The following DMD variants were observed in gnomAD, a reference collection of about 807,000 sequenced individuals.
DMD encodes the protein dystrophin, also known as mutant dystrophin.
A neutral mutation model predicts 330.1 loss-of-function variants in DMD; 63 were observed. The ratio of observed to expected loss-of-function variants is 0.19; its 90% confidence interval spans 0.16 to 0.24. The LOEUF is 0.24. DMD is among the 10% of genes least tolerant of loss of function. The probability of loss-of-function intolerance (pLI) is 1.00; values close to 1 mark genes in which losing one functional copy is unlikely to be tolerated. For synonymous variants in DMD, 1,223 were observed against 959.8 expected, an observed-to-expected ratio of 1.27 and a Z score of -5.07; for missense variants, 3,344 against 2,684.1, an observed-to-expected ratio of 1.25 and a Z score of -5.43.
intron 1 of DMD, among the ~76,000 whole-genome samples, chrX:33,238,639 G>A (rs5972787): frequency 0.16 from 18,025 of 110,853 alleles, 2,258 homozygotes; most frequent in African/African-American, 0.43. Flanking sequence ...ACACAGTATT[G>A]TGTAAGTAGA....
chrX:32,030,911 G>T (rs184326244), intron 44 of DMD, among the ~76,000 whole-genome samples: 1 of 111,618 alleles, frequency 9.0e-6, no homozygotes, highest in East Asian at 2.8e-4. Context: ...AATTTAAACA[G>T]GCAGTTTAAT....
At chrX:32,924,098 C>T (rs2088728006) in intron 2 of DMD, among the ~76,000 whole-genome samples, 1 of 111,677 alleles carries the variant, frequency 9.0e-6, no homozygotes, top group African/African-American at 3.3e-5. Context: ...CTTTCTTTTG[C>T]TTACAAAAGA....
intron 7 of DMD, among the ~76,000 whole-genome samples, chrX:32,780,961 TA>T (rs1355248152): frequency 2.9e-5 from 3 of 104,541 alleles, no homozygotes; most frequent in Admixed American, 1.0e-4. Context: ...AAATAAAAAA[TA>T]AAAAAATTAG....
chrX:32,054,136 A>G (rs2096143637), intron 44 of DMD, among the ~76,000 whole-genome samples: 2 of 94,656 alleles, frequency 2.1e-5, no homozygotes, highest in Non-Finnish European at 4.3e-5. Flanking sequence ...AGAGAGAGAG[A>G]AGAGGACTGA....
intron 61 of DMD, among the ~76,000 whole-genome samples, chrX:31,343,610 TGTGTGTGTGAGAGA>T (rs1247215373): frequency 2.1e-5 from 2 of 95,589 alleles, no homozygotes; most frequent in African/African-American, 7.8e-5. Context: ...TGTGTGTGTG[TGTGTGTGTGAGAGA>T]GAGAGAGAGA....
chrX:32,526,423 A>AC (rs2046943311), intron 17 of DMD, among the ~76,000 whole-genome samples: 2 of 106,764 alleles, frequency 1.9e-5, no homozygotes, highest in Non-Finnish European at 3.9e-5. Flanking sequence ...TAAGTCTTTG[A>AC]TTTTTTTTTT....
intron 43 of DMD, among the ~76,000 whole-genome samples, chrX:32,263,329 A>G (rs1423889890): frequency 8.9e-6 from 1 of 112,060 alleles, no homozygotes; most frequent in Non-Finnish European, 1.9e-5. Flanking sequence ...TCAACTATTG[A>G]GGACGCTGGC....
chrX:32,166,882 G>GT (rs1406070540), intron 44 of DMD, among the ~76,000 whole-genome samples: 3 of 112,029 alleles, frequency 2.7e-5, no homozygotes, highest in South Asian at 3.7e-4. Context: ...ATTATTAGCA[G>GT]TTTTTTTAAA....
intron 2 of DMD, among the ~76,000 whole-genome samples, chrX:32,942,930 A>T (rs755171477): frequency 1.3e-4 from 14 of 111,616 alleles, no homozygotes; most frequent in Non-Finnish European, 2.4e-4. Flanking sequence ...TACTTTTGAC[A>T]CTGTTTTGAA....
intron 2 of DMD, among the ~76,000 whole-genome samples, chrX:32,975,346 C>CT (rs35180404): frequency 0.14 from 8,916 of 64,234 alleles, 526 homozygotes; most frequent in East Asian, 0.17. Context: ...TTAAAAAATG[C>CT]TTTTTTTTTT....
chrX:32,935,940 G>T (rs766526496), intron 2 of DMD, among the ~76,000 whole-genome samples: 3 of 111,075 alleles, frequency 2.7e-5, no homozygotes, highest in East Asian at 5.7e-4. Context: ...TAAATAATCC[G>T]TGGGGGTGGA....
rs1167550498 is a variant in DMD at position 31,559,640 on chromosome X, C to CAAAAAAAAA, written c.8218-52196_8218-52188dup. 1.1e-3 allele frequency among the ~76,000 whole-genome samples: 23 copies of CAAAAAAAAA among 21,636 alleles called. 1 individual carries two copies. The highest frequency in any genetic ancestry group is 0.011 in the East Asian group (7 of 659). The allele number at this position is 21,636 out of a possible 115,157, so 18.8% of individuals were successfully genotyped here. A position where few individuals can be genotyped will look rare whatever the true frequency, so the allele number is the denominator to read the frequency against. ...TGGGCGACAGAGCGAAACTCCGTCTCAAAAAAAAAAAAAAAAAAAAAAAAA... is the reference window on the plus strand; with the variant it reads ...TGGGCGACAGAGCGAAACTCCGTCTCAAAAAAAAAAAAAAAAAAAAAAAAAAAAAAAAAA... On this transcript the variant is annotated intron_variant, in intron 55 of 78. Transcript: ENST00000357033.
intron 1 of DMD, among the ~76,000 whole-genome samples, chrX:33,337,594 T>C (rs1012254761): frequency 6.2e-5 from 7 of 112,036 alleles, no homozygotes; most frequent in African/African-American, 2.3e-4. Context: ...CTGCTGTATA[T>C]ATGAATTATG....
chrX:32,705,093 A>G (rs1277824256), intron 7 of DMD, among the ~76,000 whole-genome samples: 1 of 112,359 alleles, frequency 8.9e-6, no homozygotes, highest in African/African-American at 3.2e-5. Flanking sequence ...TGCATTGTAC[A>G]TACATGTATT....
chrX:32,074,659 AGTT>A (rs1437106240), intron 44 of DMD, among the ~76,000 whole-genome samples: 1 of 112,290 alleles, frequency 8.9e-6, no homozygotes, highest in African/African-American at 3.2e-5. Context: ...ACAACAGCGT[AGTT>A]GAGTAATTGC....
At chrX:32,431,435 GAAT>G (rs2098237858) in intron 29 of DMD, among the ~76,000 whole-genome samples, 3 of 110,210 alleles carry the variant, frequency 2.7e-5, no homozygotes, top group African/African-American at 9.9e-5. Context: ...TTTTTATATT[GAAT>G]AATAATAATC....
At chrX:32,635,741 G>A (rs778032913) in intron 11 of DMD, among the ~76,000 whole-genome samples, 1 of 111,767 alleles carries the variant, frequency 8.9e-6, no homozygotes, top group Non-Finnish European at 1.9e-5. Context: ...GTTTATCAAA[G>A]TTCAATAAGT....
intron 60 of DMD, among the ~76,000 whole-genome samples, chrX:31,357,995 T>C (rs932325683): frequency 9.0e-6 from 1 of 111,262 alleles, no homozygotes; most frequent in Non-Finnish European, 1.9e-5. Flanking sequence ...TTTCTCTGTG[T>C]AGATGTGTGA....
At position 31,355,660 on chromosome X, in the gene DMD, C is replaced by CT. The variant is rs761889412; in HGVS notation, c.9085-7027dup. Among the ~76,000 whole-genome samples the CT allele has an allele frequency of 7.2e-5, 8 of 111,466 alleles. No homozygotes were observed. The East Asian group carries it at 1.7e-3, about 23-fold the overall frequency. ...TTGTACAGTTTCTGTGTGCATGTGT[C>CT]TGTGTTGGGGGAGGAACTTCCTCGT... On this transcript the variant is annotated intron_variant, in intron 60 of 78. Transcript: ENST00000357033.
Sources: gnomAD v4.1 joint callset for allele counts (sites outside exome capture counted in the v4.1 genomes callset) on GRCh38, gnomAD v4.1.1 for gene constraint, MANE v1.5 for transcripts, NCBI Gene and HGNC (gene_info 2026-07-23, HGNC 2026-07-21) for gene names.